KCNH8: variants seen among roughly 807,000 people sequenced by gnomAD.
The protein encoded by KCNH8 is potassium voltage-gated channel subfamily H member 8, also known as voltage-gated delayed rectifier potassium channel KCNH8.
KCNH8 carries 70 observed loss-of-function variants against 103.6 expected under a neutral mutation model. The ratio of observed to expected loss-of-function variants is 0.68; its 90% confidence interval spans 0.56 to 0.82. The LOEUF is 0.82. Among genes scored for constraint, KCNH8 ranks in the 40% least tolerant of loss-of-function variants. The pLI is 0.00. For missense variants in KCNH8, 1,217 were observed against 1,329.9 expected, an observed-to-expected ratio of 0.92 and a Z score of 1.32; for synonymous variants, 498 against 489.4, an observed-to-expected ratio of 1.02 and a Z score of -0.23.
At chr3:19,413,565 G>A (rs957525656) in intron 7 of KCNH8, among the ~76,000 whole-genome samples, 23 of 152,000 alleles carry the variant, frequency 1.5e-4, no homozygotes, top group African/African-American at 5.3e-4. Context: ...AAGAAAACAA[G>A]AGATTAGAAC....
intron 1 of KCNH8, among the ~76,000 whole-genome samples, chr3:19,204,671 T>A (rs1363412232): frequency 1.3e-5 from 2 of 152,112 alleles, no homozygotes; most frequent in Non-Finnish European, 2.9e-5. Context: ...ACTTGAAAGA[T>A]GTTTTCTTTA....
At position 19,413,066 on chromosome 3, in the gene KCNH8, G is replaced by A. The variant is rs964142128; in HGVS notation, c.1177+17755G>A. ...TTCTATCCGAAATACATATGCACTC[G>A]CATGTTCATTGCAGCACTATTCAAA... is the stretch of plus-strand genomic sequence containing the variant. On this transcript the variant is annotated intron_variant, in intron 7 of 15. Coordinates refer to ENST00000328405, the MANE Select transcript of KCNH8 (RefSeq NM_144633.3). 2.0e-5 allele frequency among the ~76,000 whole-genome samples: 3 copies of A among 151,974 alleles called. No homozygotes were observed. In the East Asian group the frequency reaches 5.8e-4, roughly 29 times the overall value.
intron 11 of KCNH8, among the ~76,000 whole-genome samples, chr3:19,492,373 A>G (rs1418019978): frequency 6.6e-6 from 1 of 152,172 alleles, no homozygotes; most frequent in Non-Finnish European, 1.5e-5. Flanking sequence ...ATAGGAGTCT[A>G]GTTTCATTCT....
chr3:19,307,197 C>T (rs1026671734), intron 3 of KCNH8, among the ~76,000 whole-genome samples: 1 of 151,554 alleles, frequency 6.6e-6, no homozygotes, highest in Non-Finnish European at 1.5e-5. Flanking sequence ...AACATCTCAA[C>T]AGCAAAACAA....
intron 2 of KCNH8, among the ~76,000 whole-genome samples, chr3:19,272,038 G>T (rs565952043): frequency 1.3e-5 from 2 of 152,108 alleles, no homozygotes; most frequent in Non-Finnish European, 1.5e-5. Flanking sequence ...GTAGGGTTCT[G>T]TAAGTTCTAG....
At chr3:19,300,366 G>A (rs555067716) in intron 3 of KCNH8, among the ~76,000 whole-genome samples, 1 of 152,238 alleles carries the variant, frequency 6.6e-6, no homozygotes, top group South Asian at 2.1e-4. Context: ...ATTATAGGAA[G>A]ACTCACCATG....
intron 1 of KCNH8, among the ~76,000 whole-genome samples, chr3:19,198,557 A>C (rs1479302145): frequency 6.6e-6 from 1 of 152,098 alleles, no homozygotes; most frequent in African/African-American, 2.4e-5. Flanking sequence ...ATAAGTCATC[A>C]ATAACTTTTT....
intron 2 of KCNH8, among the ~76,000 whole-genome samples, chr3:19,260,967 CATATATAT>C (rs138181171): frequency 0.02 from 2,618 of 132,142 alleles, 93 homozygotes; most frequent in African/African-American, 0.064. Context: ...GAATAATATT[CATATATAT>C]ATATATATAT....
At chr3:19,292,593 C>G (rs2064943654) in intron 3 of KCNH8, among the ~76,000 whole-genome samples, 2 of 152,150 alleles carry the variant, frequency 1.3e-5, no homozygotes, top group South Asian at 2.1e-4. Flanking sequence ...GCTTATTTTC[C>G]TCATATTTCA....
chr3:19,288,883 C>T (rs1240594346), intron 3 of KCNH8, among the ~76,000 whole-genome samples: 14 of 152,294 alleles, frequency 9.2e-5, no homozygotes, highest in Middle Eastern at 3.4e-3. Context: ...ACACCCTCTC[C>T]AGCACCTGTT....
At chr3:19,403,408 TC>T (rs2066645729) in intron 7 of KCNH8, among the ~76,000 whole-genome samples, 1 of 124,374 alleles carries the variant, frequency 8.0e-6, no homozygotes, top group Non-Finnish European at 1.8e-5. Context: ...ATAAAATCCT[TC>T]TGTTTATGGT....
In KCNH8 at chr3:19,253,697, C is replaced by T; in HGVS notation, c.120C>T (p.Phe40=). Residue 40 remains phenylalanine, a synonymous_variant, in exon 2 of 16, where the codon TTC becomes TTT. Coordinates refer to ENST00000328405, the MANE Select transcript of KCNH8 (RefSeq NM_144633.3). ...CCAATGCCCAGGTGGCTAAGGGTTT[C>T]CCCATAGTCTACTGTTCCGATGGCT... ...ILANAQVAKG[F]PIVYCSDGFC... 6.2e-7 allele frequency: 1 copy of T among 1,613,666 alleles called. No homozygotes were observed.
At chr3:19,328,388 G>A (rs561488108) in intron 3 of KCNH8, among the ~76,000 whole-genome samples, 3 of 152,128 alleles carry the variant, frequency 2.0e-5, no homozygotes, top group East Asian at 1.9e-4. Flanking sequence ...TTTCCAAACC[G>A]TTTCCATCAG....
chr3:19,281,458 C>A, intron 3 of KCNH8, 129 bp downstream of exon 3: 1 of 779,666 alleles, frequency 1.3e-6, no homozygotes, highest in Non-Finnish European at 2.0e-6. Context: ...TGTTAGCAGT[C>A]AGCATTTGGT....
intron 3 of KCNH8, among the ~76,000 whole-genome samples, chr3:19,339,705 G>A (rs937923944): frequency 6.6e-6 from 1 of 152,036 alleles, no homozygotes; most frequent in Non-Finnish European, 1.5e-5. Flanking sequence ...ATGTAGCAAA[G>A]GTGAATGCTT....
At chr3:19,200,953 C>T (rs143572842) in intron 1 of KCNH8, among the ~76,000 whole-genome samples, 25 of 151,550 alleles carry the variant, frequency 1.6e-4, no homozygotes, top group Admixed American at 2.6e-4. Flanking sequence ...TATATACGGC[C>T]GGGCGCTGTG....
chr3:19,436,148 T>G (rs1350467583), intron 7 of KCNH8, among the ~76,000 whole-genome samples: 1 of 152,200 alleles, frequency 6.6e-6, no homozygotes, highest in Non-Finnish European at 1.5e-5. Context: ...ATAAACCTAT[T>G]GTATTCATGG....
intron 7 of KCNH8, among the ~76,000 whole-genome samples, chr3:19,419,159 A>G (rs1047719920): frequency 6.9e-6 from 1 of 144,064 alleles, no homozygotes; most frequent in Non-Finnish European, 1.5e-5. Flanking sequence ...GGATTTTTCC[A>G]TCTAGTCACA....
chr3:19,479,919 T>C (rs1215125839), intron 11 of KCNH8, among the ~76,000 whole-genome samples: 1 of 152,188 alleles, frequency 6.6e-6, no homozygotes, highest in African/African-American at 2.4e-5. Context: ...TGTGACTTAA[T>C]CAGTGTCATT....
Sources: gnomAD v4.1 joint callset for allele counts (sites outside exome capture counted in the v4.1 genomes callset) on GRCh38, gnomAD v4.1.1 for gene constraint, MANE v1.5 for transcripts, NCBI Gene and HGNC (gene_info 2026-07-23, HGNC 2026-07-21) for gene names.